Variants in KCNMA1 observed in about 807,000 individuals in gnomAD.
KCNMA1 encodes potassium calcium-activated channel subfamily M alpha 1.
KCNMA1 carries 29 observed loss-of-function variants against 140.0 expected under a neutral mutation model. The observed-to-expected ratio is 0.21, with a 90% CI of 0.15 to 0.28. KCNMA1 has a LOEUF of 0.28. KCNMA1 is among the 10% of genes least tolerant of loss of function. KCNMA1 has a pLI of 1.00. For synonymous variants in KCNMA1, 612 were observed against 611.9 expected, an observed-to-expected ratio of 1.00 and a Z score of 0.00; for missense variants, 880 against 1,602.2, an observed-to-expected ratio of 0.55 and a Z score of 7.70.
At chr10:77,255,301 G>T (rs1221225385) in intron 2 of KCNMA1, among the ~76,000 whole-genome samples, 1 of 151,634 alleles carries the variant, frequency 6.6e-6, no homozygotes, top group Non-Finnish European at 1.5e-5. Context: ...CACATACACG[G>T]TGTATTTTTT....
At chr10:77,558,962 CT>C (rs1221970205) in intron 1 of KCNMA1, among the ~76,000 whole-genome samples, 2 of 151,768 alleles carry the variant, frequency 1.3e-5, no homozygotes, top group Non-Finnish European at 2.9e-5. Context: ...GCTGGTACAA[CT>C]TCCTGTAACA....
At chr10:77,070,174 G>A (rs2096138080) in intron 14 of KCNMA1, among the ~76,000 whole-genome samples, 1 of 151,904 alleles carries the variant, frequency 6.6e-6, no homozygotes. Flanking sequence ...TGGCATTTTG[G>A]TCTCATGCAT....
intron 1 of KCNMA1, among the ~76,000 whole-genome samples, chr10:77,436,881 A>T (rs948728836): frequency 5.9e-5 from 9 of 152,146 alleles, no homozygotes; most frequent in African/African-American, 2.2e-4. Flanking sequence ...TCAAAAGAAA[A>T]TTATCTGAAT....
At chr10:77,229,773 A>T (rs2052927985) in intron 3 of KCNMA1, among the ~76,000 whole-genome samples, 1 of 152,222 alleles carries the variant, frequency 6.6e-6, no homozygotes, top group Admixed American at 6.5e-5. Flanking sequence ...GTACACACAC[A>T]CAAAGCAAAC....
At chr10:77,618,672 T>C (rs1225688246) in intron 1 of KCNMA1, among the ~76,000 whole-genome samples, 2 of 152,186 alleles carry the variant, frequency 1.3e-5, no homozygotes, top group Non-Finnish European at 2.9e-5. Context: ...CCCAGAAAAG[T>C]GACTGAACTG....
At position 77,528,772 on chromosome 10, in the gene KCNMA1, G is replaced by C. The variant is rs61309544; in HGVS notation, c.378+108493C>G. Reference sequence around the variant, plus strand: ...TGGCCATGCACAGAACTAAAGGAACGGAGTACTGCTGCATGCCACAACACA... The same window carrying C: ...TGGCCATGCACAGAACTAAAGGAACCGAGTACTGCTGCATGCCACAACACA... On this transcript the variant is annotated intron_variant, in intron 1 of 27. Coordinates refer to ENST00000286628, the MANE Select transcript of KCNMA1 (RefSeq NM_001161352.2). Among the ~76,000 whole-genome samples the C allele has an allele frequency of 5.0e-3, 757 of 152,226 alleles. 4 individuals carry two copies. Among genetic ancestry groups the C allele is most frequent in the African/African-American group, 0.018 (735 of 41,540 alleles).
At chr10:77,272,958 A>G (rs2065586953) in intron 2 of KCNMA1, among the ~76,000 whole-genome samples, 1 of 152,170 alleles carries the variant, frequency 6.6e-6, no homozygotes, top group African/African-American at 2.4e-5. Flanking sequence ...TAGACCCCCT[A>G]CCAAAACATG....
chr10:77,600,790 T>G (rs534927687), intron 1 of KCNMA1, among the ~76,000 whole-genome samples: 49 of 151,662 alleles, frequency 3.2e-4, no homozygotes, highest in African/African-American at 1.2e-3. Flanking sequence ...TATGCGCACA[T>G]GCACACACAC....
At chr10:77,008,409 A>T (rs1309250966) in intron 18 of KCNMA1, among the ~76,000 whole-genome samples, 3 of 152,210 alleles carry the variant, frequency 2.0e-5, no homozygotes. Context: ...TGTTATATAG[A>T]AAAAGAAAAT....
At chr10:77,109,490 T>C (rs1281581555) in intron 8 of KCNMA1, among the ~76,000 whole-genome samples, 3 of 152,200 alleles carry the variant, frequency 2.0e-5, no homozygotes, top group Non-Finnish European at 4.4e-5. Flanking sequence ...CCCCTCGATT[T>C]ACATTAGAAG....
intron 14 of KCNMA1, among the ~76,000 whole-genome samples, chr10:77,040,304 A>G (rs535676313): frequency 2.6e-5 from 4 of 152,302 alleles, no homozygotes; most frequent in Non-Finnish European, 5.9e-5. Flanking sequence ...GTAAAAGTAC[A>G]CAGTCTTTTA....
intron 2 of KCNMA1, among the ~76,000 whole-genome samples, chr10:77,308,678 C>T (rs2078462833): frequency 6.6e-6 from 1 of 152,174 alleles, no homozygotes; most frequent in Admixed American, 6.5e-5. Flanking sequence ...TGAGGGATCA[C>T]TCATGTGCAG....
In KCNMA1 at chr10:77,152,423, A is replaced by C. The variant is rs79087352; in HGVS notation, c.808+30998T>G. On this transcript the variant is annotated intron_variant, in intron 5 of 27. Coordinates refer to ENST00000286628, the MANE Select transcript of KCNMA1 (RefSeq NM_001161352.2). Reference sequence around the variant, plus strand: ...AGTTAACTTGGGAAGTGATCTCAGGAAACACCAGTAAGGGAACAGGAAAGT... The same window carrying C: ...AGTTAACTTGGGAAGTGATCTCAGGCAACACCAGTAAGGGAACAGGAAAGT... Among the ~76,000 whole-genome samples, 911 of 152,240 alleles carry C rather than the reference A, an allele frequency of 6.0e-3. 6 individuals are homozygous for C. The highest frequency in any genetic ancestry group is 0.021 in the African/African-American group (858 of 41,546).
intron 1 of KCNMA1, among the ~76,000 whole-genome samples, chr10:77,470,341 G>A (rs144068143): frequency 4.7e-4 from 71 of 152,248 alleles, no homozygotes; most frequent in African/African-American, 1.0e-3. Flanking sequence ...GCCCGGAAAC[G>A]TGTCACTAAA....
intron 1 of KCNMA1, among the ~76,000 whole-genome samples, chr10:77,528,503 G>A (rs113783620): frequency 2.3e-4 from 35 of 151,874 alleles, no homozygotes; most frequent in Admixed American, 5.2e-4. Flanking sequence ...CCAGCAACTC[G>A]GGAGGCTGAG....
chr10:77,068,331 A>C (rs1332891723), intron 14 of KCNMA1, among the ~76,000 whole-genome samples: 1 of 152,232 alleles, frequency 6.6e-6, no homozygotes, highest in Non-Finnish European at 1.5e-5. Context: ...AATTCTATAC[A>C]TACATATGTA....
chr10:77,590,954 C>T (rs1317729047), intron 1 of KCNMA1, among the ~76,000 whole-genome samples: 2 of 152,220 alleles, frequency 1.3e-5, no homozygotes, highest in African/African-American at 4.8e-5. Context: ...CCACACACCT[C>T]ATCTGCCCTG....
intron 2 of KCNMA1, among the ~76,000 whole-genome samples, chr10:77,280,728 T>C (rs116802309): frequency 2.0e-5 from 3 of 150,480 alleles, no homozygotes; most frequent in Admixed American, 6.6e-5. Flanking sequence ...AGAGTCTTAC[T>C]ATGTTGCCCA....
At chr10:77,560,503 C>A (rs1217126593) in intron 1 of KCNMA1, among the ~76,000 whole-genome samples, 1 of 152,206 alleles carries the variant, frequency 6.6e-6, no homozygotes, top group Non-Finnish European at 1.5e-5. Flanking sequence ...CAAGGCCACT[C>A]AGAGAATGTG....
Sources: gnomAD v4.1 joint callset for allele counts (sites outside exome capture counted in the v4.1 genomes callset) on GRCh38, gnomAD v4.1.1 for gene constraint, MANE v1.5 for transcripts, NCBI Gene and HGNC (gene_info 2026-07-23, HGNC 2026-07-21) for gene names.